The following DAZAP1 variants were observed in gnomAD, a reference collection of about 807,000 sequenced individuals.
The protein encoded by DAZAP1 is DAZ-associated protein 1.
DAZAP1 carries 6 observed loss-of-function variants against 60.1 expected under a neutral mutation model. That is an observed-to-expected ratio of 0.10 (90% CI 0.05 to 0.20). The LOEUF (loss-of-function observed/expected upper bound fraction) is 0.20, where lower values mean the gene tolerates loss of function less well. DAZAP1 is among the 10% of genes least tolerant of loss of function. DAZAP1 has a pLI of 1.00. For synonymous variants in DAZAP1, 235 were observed against 215.9 expected, an observed-to-expected ratio of 1.09 and a Z score of -0.78; for missense variants, 366 against 560.4, an observed-to-expected ratio of 0.65 and a Z score of 3.50.
At chr19:1,427,502 GT>G (rs2083335717) in intron 7 of DAZAP1, 1 of 152,402 alleles carries the variant, frequency 6.6e-6, no homozygotes, top group African/African-American at 2.4e-5. Flanking sequence ...TTTGTGGAGT[GT>G]TTGGTACCGC....
chr19:1,409,556 A>G (rs946244733), intron 1 of DAZAP1, among the ~76,000 whole-genome samples: 2 of 152,256 alleles, frequency 1.3e-5, no homozygotes, highest in East Asian at 3.8e-4. Context: ...CCCGGCTGCC[A>G]GGAGTGTCCA....
intron 10 of DAZAP1, among the ~76,000 whole-genome samples, chr19:1,430,967 T>C (rs549657167): frequency 6.2e-4 from 93 of 151,088 alleles, no homozygotes; most frequent in African/African-American, 2.1e-3. Flanking sequence ...GTGATCCGCC[T>C]GCCTCGGCCT....
Position 1,418,826 on chromosome 19 carries a change from T to C in DAZAP1, c.303+95T>C, listed in dbSNP as rs961247696. On this transcript the variant is annotated intron_variant, in intron 4 of 11. Coordinates refer to ENST00000233078, the MANE Select transcript of DAZAP1 (RefSeq NM_018959.4). This position sits in a 1 kb window ranked among gnomAD's most constrained non-coding sequence, Gnocchi z 5.7. The stretch of plus-strand genomic sequence containing the variant: ...AATCTGCTGTTGTCGCTCGTTAAGA[T>C]TGAGGGCGACGCAGGTCTTCTGGGT... 9 of 1,332,130 alleles carry C rather than the reference T, an allele frequency of 6.8e-6. No individual in the cohort carries two copies. Among genetic ancestry groups the C allele is most frequent in the East Asian group, 4.8e-5 (2 of 41,944 alleles). The allele number at this position is 1,332,130 out of a possible 1,614,324, so 82.5% of individuals were successfully genotyped here.
chr19:1,411,967 C>T (rs568687276), intron 1 of DAZAP1, among the ~76,000 whole-genome samples: 15 of 152,368 alleles, frequency 9.8e-5, no homozygotes, highest in African/African-American at 2.2e-4. Flanking sequence ...TGTGACAGGG[C>T]TTTTGGCAGA....
rs775340192 is a variant in DAZAP1, at chr19:1,422,408, T to C, written c.463+12T>C. On this transcript the variant is annotated intron_variant, in intron 6 of 11. Transcript: ENST00000233078. This position sits in a 1 kb window ranked among gnomAD's most constrained non-coding sequence, Gnocchi z 4.5. ...GCAGAGGCCCCGAGGTAAGGGCAGA[T>C]CTAGTTTGACCTCGGCCTTCTCCCT... 1.9e-6 allele frequency: 3 copies of C among 1,613,468 alleles called. No individual in the cohort carries two copies. The highest frequency in any genetic ancestry group is 1.7e-6 in the Non-Finnish European group (2 of 1,179,608).
Position 1,434,987 on chromosome 19 carries a change from G to A in DAZAP1, c.*75G>A, listed in dbSNP as rs566975548. 7 of 528,668 alleles carry A rather than the reference G, an allele frequency of 1.3e-5. No individual in the cohort carries two copies. Among genetic ancestry groups the A allele is most frequent in the Non-Finnish European group, 1.7e-5 (7 of 415,216 alleles). 32.7% of individuals were successfully genotyped at this position (528,668 alleles called of 1,614,324 possible). ...GTGAACTCGTGACAATCACAAACTT[G>A]GCGGCAAAGTGGCGACTCAACCTTG... On this transcript the variant is annotated 3_prime_UTR_variant, in exon 12 of 12. Transcript: ENST00000233078. The surrounding 1 kb of genome is among the most constrained non-coding windows in gnomAD (Gnocchi z 8.0).
At position 1,434,462 on chromosome 19, in the gene DAZAP1, G is replaced by T. The variant is rs971986657; in HGVS notation, c.1049-275G>T. Reference sequence around the variant, plus strand: ...CTCACCCCCCCAACCACGTCTTCGGGATTGAACAGGGAAGCGGTGAGGTTA... The same window carrying T: ...CTCACCCCCCCAACCACGTCTTCGGTATTGAACAGGGAAGCGGTGAGGTTA... On this transcript the variant is annotated intron_variant, in intron 11 of 11. Coordinates refer to ENST00000233078, the MANE Select transcript of DAZAP1 (RefSeq NM_018959.4). This position sits in a 1 kb window ranked among gnomAD's most constrained non-coding sequence, Gnocchi z 8.0. The T allele has an allele frequency of 3.5e-5, 14 of 403,220 alleles. No individual in the cohort carries two copies. Among genetic ancestry groups the T allele is most frequent in the Non-Finnish European group, 4.9e-5 (11 of 223,048 alleles). 25.0% of individuals were successfully genotyped at this position (403,220 alleles called of 1,614,324 possible).
rs1388886290 is a variant in DAZAP1, at chr19:1,434,388, G to C, written c.1049-349G>C. On this transcript the variant is annotated intron_variant, in intron 11 of 11. Transcript: ENST00000233078. The surrounding 1 kb of genome is among the most constrained non-coding windows in gnomAD (Gnocchi z 8.0). ...CAGCTTTCTAGAAGCCTGGTCCACC[G>C]TGCCTTGGGCCATGTGTGTCTCCAA... The C allele has an allele frequency of 4.0e-6, 1 of 252,392 alleles. No homozygotes were observed. Among genetic ancestry groups the C allele is most frequent in the Non-Finnish European group, 7.7e-6 (1 of 129,906 alleles). The allele number at this position is 252,392 out of a possible 1,614,324, so 15.6% of individuals were successfully genotyped here. A position where few individuals can be genotyped will look rare whatever the true frequency, so the allele number is the denominator to read the frequency against.
intron 6 of DAZAP1, among the ~76,000 whole-genome samples, chr19:1,424,358 CT>C (rs2083251334): frequency 2.3e-5 from 3 of 128,866 alleles, no homozygotes; most frequent in Non-Finnish European, 3.4e-5. Flanking sequence ...CCCCCTCCCC[CT>C]CCCCCCTCCC....
At position 1,432,601 on chromosome 19, in the gene DAZAP1, C is replaced by A; in HGVS notation, c.959C>A (p.Pro320His). The A allele has an allele frequency of 6.2e-7, 1 of 1,613,724 alleles. No homozygotes were observed. Among genetic ancestry groups the A allele is most frequent in the Non-Finnish European group, 8.5e-7 (1 of 1,180,000 alleles). ...PPPPATPGAA[P>H]LAFPPPPSQA... ...CCACCAGCCACTCCCGGGGCAGCAC[C>A]TCTGGCTTTCCCACCGCCTCCGTCT... Residue 320 changes from proline to histidine, a missense_variant, in exon 11 of 12, where the codon CCT becomes CAT. Coordinates refer to ENST00000233078, the MANE Select transcript of DAZAP1 (RefSeq NM_018959.4). The surrounding 1 kb of genome is among the most constrained non-coding windows in gnomAD (Gnocchi z 4.9).
In DAZAP1 at chr19:1,433,950, C is replaced by T. The variant is rs954747029; in HGVS notation, c.1049-787C>T. 13 of 850,676 alleles carry T rather than the reference C, an allele frequency of 1.5e-5. No homozygotes were observed. The highest frequency in any genetic ancestry group is 8.5e-5 in the African/African-American group (5 of 59,062). The allele number at this position is 850,676 out of a possible 1,614,324, so 52.7% of individuals were successfully genotyped here. On this transcript the variant is annotated intron_variant, in intron 11 of 11. Coordinates refer to ENST00000233078, the MANE Select transcript of DAZAP1 (RefSeq NM_018959.4). This position sits in a 1 kb window ranked among gnomAD's most constrained non-coding sequence, Gnocchi z 6.1. ...GTGCCCTCTGGGAAGGGGCCCTTGC[C>T]GGTGCCAAGACATTGGCCACAAGCC...
In DAZAP1 at chr19:1,432,042, C is replaced by G. The variant is rs906304401; in HGVS notation, c.872-472C>G. 5.8e-6 allele frequency: 1 copy of G among 172,000 alleles called. No individual in the cohort carries two copies. The highest frequency in any genetic ancestry group is 2.4e-5 in the African/African-American group (1 of 41,598). The allele number at this position is 172,000 out of a possible 1,614,324, so 10.7% of individuals were successfully genotyped here. A position where few individuals can be genotyped will look rare whatever the true frequency, so the allele number is the denominator to read the frequency against. On this transcript the variant is annotated intron_variant, in intron 10 of 11. Transcript: ENST00000233078. The surrounding 1 kb of genome is among the most constrained non-coding windows in gnomAD (Gnocchi z 4.9). The stretch of plus-strand genomic sequence containing the variant: ...ACAGGAGGGGAGTTGGGTGGAACCT[C>G]GGCCTGCCTGATATCCAGCAACAGA...
rs1031581078 is a variant in DAZAP1, at chr19:1,433,624, C to G, written c.1048+934C>G. On this transcript the variant is annotated intron_variant, in intron 11 of 11. Coordinates refer to ENST00000233078, the MANE Select transcript of DAZAP1 (RefSeq NM_018959.4). The surrounding 1 kb of genome is among the most constrained non-coding windows in gnomAD (Gnocchi z 6.1). ...TGACCCACTCACCACCAAACCCTGG[C>G]GTGTCTGAGACTGGCAGGGGGGTGT... The G allele has an allele frequency of 6.1e-6, 5 of 816,972 alleles. No homozygotes were observed. In the African/African-American group the frequency reaches 8.5e-5, roughly 14 times the overall value. 50.6% of individuals were successfully genotyped at this position (816,972 alleles called of 1,614,324 possible).
At chr19:1,421,360 C>G in intron 5 of DAZAP1, 102 bp downstream of exon 5, 1 of 985,926 alleles carries the variant, frequency 1.0e-6, no homozygotes. Context: ...GGTGCACGGG[C>G]CTTTCAGGCT....
chr19:1,410,946 C>CG (rs920707195), intron 1 of DAZAP1, among the ~76,000 whole-genome samples: 1 of 152,196 alleles, frequency 6.6e-6, no homozygotes, highest in Non-Finnish European at 1.5e-5. Flanking sequence ...GGACTGTGGC[C>CG]GGGGGCCATG....
At chr19:1,430,781 C>T (rs1600244518) in intron 10 of DAZAP1, among the ~76,000 whole-genome samples, 2 of 149,022 alleles carry the variant, frequency 1.3e-5, no homozygotes, top group Admixed American at 6.7e-5. Context: ...AGTGCAGTGG[C>T]GCAATCGCGG....
rs1392453225 is a variant in DAZAP1 at position 1,423,171 on chromosome 19, C to T, written c.463+775C>T. Among the ~76,000 whole-genome samples the T allele has an allele frequency of 6.6e-6, 1 of 152,252 alleles. No homozygotes were observed. Among genetic ancestry groups the T allele is most frequent in the African/African-American group, 2.4e-5 (1 of 41,468 alleles). On this transcript the variant is annotated intron_variant, in intron 6 of 11. Transcript: ENST00000233078. The surrounding 1 kb of genome is among the most constrained non-coding windows in gnomAD (Gnocchi z 6.8). ...CGGCCCAGGTCAGTCGGGGCAGCCCCGAGCGCCAGGTGGCGCCGCAGCATG... is the reference window on the plus strand; with the variant it reads ...CGGCCCAGGTCAGTCGGGGCAGCCCTGAGCGCCAGGTGGCGCCGCAGCATG...
Position 1,433,639 on chromosome 19 carries a change from CAGG to C in DAZAP1, c.1048+950_1048+952del, listed in dbSNP as rs1474733656. 6.4e-6 allele frequency: 6 copies of C among 941,048 alleles called. No homozygotes were observed. The African/African-American group carries it at 8.1e-5, about 13-fold the overall frequency. 58.3% of individuals were successfully genotyped at this position (941,048 alleles called of 1,614,324 possible). A position where few individuals can be genotyped will look rare whatever the true frequency, so the allele number is the denominator to read the frequency against. ...CAAACCCTGGCGTGTCTGAGACTGG[CAGG>C]GGGGTGTGAGGCGCCCGGTTGGGGC... On this transcript the variant is annotated intron_variant, in intron 11 of 11. Coordinates refer to ENST00000233078, the MANE Select transcript of DAZAP1 (RefSeq NM_018959.4). The surrounding 1 kb of genome is among the most constrained non-coding windows in gnomAD (Gnocchi z 6.1).
chr19:1,432,406 G>A lies in DAZAP1; in HGVS notation c.872-108G>A, dbSNP rs1052772676. 1.8e-5 allele frequency: 21 copies of A among 1,183,518 alleles called. No homozygotes were observed. The highest frequency in any genetic ancestry group is 1.2e-4 in the African/African-American group (8 of 66,562). 73.3% of individuals were successfully genotyped at this position (1,183,518 alleles called of 1,614,324 possible). ...AGGCCTGGGCGTTCTGTGGGTTTGG[G>A]TGGCAGTCCCGTCTGGGCAGCTCCT... On this transcript the variant is annotated intron_variant, in intron 10 of 11. Coordinates refer to ENST00000233078, the MANE Select transcript of DAZAP1 (RefSeq NM_018959.4). This position sits in a 1 kb window ranked among gnomAD's most constrained non-coding sequence, Gnocchi z 4.9.
Sources: allele counts gnomAD v4.1 joint callset (sites outside exome capture counted in the v4.1 genomes callset), GRCh38; gene constraint gnomAD v4.1.1; non-coding constraint Gnocchi (gnomAD v3.1); transcripts MANE v1.5; gene names NCBI Gene and HGNC (gene_info 2026-07-23, HGNC 2026-07-21).